The following ZNF407 variants were observed in gnomAD, a reference collection of about 807,000 sequenced individuals.
The protein encoded by ZNF407 is zinc finger protein 407.
A neutral mutation model predicts 131.2 loss-of-function variants in ZNF407; 17 were observed. That is an observed-to-expected ratio of 0.13 (90% confidence interval 0.09 to 0.19). The LOEUF (loss-of-function observed/expected upper bound fraction) is 0.19, where lower values mean the gene tolerates loss of function less well. ZNF407 is among the 10% of genes least tolerant of loss of function. ZNF407 has a pLI of 1.00. For missense variants in ZNF407, 2,681 were observed against 2,830.6 expected (o/e 0.95, Z 1.20); for synonymous variants, 1,156 against 1,062.0 (o/e 1.09, Z -1.72).
intron 4 of ZNF407, among the ~76,000 whole-genome samples, chr18:74,789,490 A>G (rs1462513952): frequency 1.3e-5 from 2 of 152,174 alleles, no homozygotes; most frequent in Non-Finnish European, 2.9e-5. Flanking sequence ...GAATATGGGC[A>G]TATCAGGATG....
At chr18:74,906,604 A>T (rs1186276352) in intron 7 of ZNF407, among the ~76,000 whole-genome samples, 3 of 152,274 alleles carry the variant, frequency 2.0e-5, no homozygotes, top group Admixed American at 1.3e-4. Flanking sequence ...AAATCCTTCA[A>T]TAAAAATATC....
intron 4 of ZNF407, among the ~76,000 whole-genome samples, chr18:74,837,983 C>G (rs935985965): frequency 1.3e-5 from 2 of 152,210 alleles, no homozygotes; most frequent in Non-Finnish European, 2.9e-5. Flanking sequence ...ATACACAAAA[C>G]TAGTCCAGGT....
chr18:74,801,596 C>T (rs1331509923), intron 4 of ZNF407, among the ~76,000 whole-genome samples: 2 of 152,096 alleles, frequency 1.3e-5, no homozygotes, highest in African/African-American at 2.4e-5. Context: ...CTACTTATCC[C>T]ACCTGTAGTT....
At chr18:74,667,089 T>C (rs1202066460) in intron 3 of ZNF407, among the ~76,000 whole-genome samples, 4 of 152,228 alleles carry the variant, frequency 2.6e-5, no homozygotes, top group African/African-American at 9.6e-5. Flanking sequence ...GATGATCTGT[T>C]GGTGCCTCAC....
At chr18:74,938,824 A>G (rs920986114) in intron 8 of ZNF407, among the ~76,000 whole-genome samples, 2 of 152,234 alleles carry the variant, frequency 1.3e-5, no homozygotes, top group Non-Finnish European at 1.5e-5. Flanking sequence ...GCCTGAAATT[A>G]TGGTCTGAAT....
At chr18:74,747,988 T>C (rs558415429) in intron 3 of ZNF407, among the ~76,000 whole-genome samples, 2 of 152,266 alleles carry the variant, frequency 1.3e-5, no homozygotes, top group Admixed American at 6.5e-5. Context: ...CAGTTCTACA[T>C]AGGAAATAGT....
intron 8 of ZNF407, among the ~76,000 whole-genome samples, chr18:75,024,661 C>T (rs1275260462): frequency 6.6e-6 from 1 of 152,146 alleles, no homozygotes; most frequent in African/African-American, 2.4e-5. Context: ...ATCTCATAGG[C>T]ATGCACTGTG....
In ZNF407 at chr18:74,825,863, G is replaced by A. The variant is rs547189501; in HGVS notation, c.4877+44361G>A. ...TTTAAAACAGTCAGAAAATGTTTAG[G>A]GTATGTGGCGTATTGTCACAGGAAC... On this transcript the variant is annotated intron_variant, in intron 4 of 8. Coordinates refer to ENST00000299687, the MANE Select transcript of ZNF407 (RefSeq NM_017757.3). 1.3e-3 allele frequency among the ~76,000 whole-genome samples: 197 copies of A among 152,244 alleles called. 1 individual carries two copies. The South Asian group carries it at 0.016, about 12-fold the overall frequency.
At chr18:74,823,503 A>G (rs1970369215) in intron 4 of ZNF407, among the ~76,000 whole-genome samples, 1 of 152,034 alleles carries the variant, frequency 6.6e-6, no homozygotes, top group African/African-American at 2.4e-5. Flanking sequence ...TTCAAAATAA[A>G]GGGATGGAGG....
intron 3 of ZNF407, among the ~76,000 whole-genome samples, chr18:74,780,065 T>C (rs1169588642): frequency 6.6e-6 from 1 of 152,138 alleles, no homozygotes; most frequent in Admixed American, 6.5e-5. Flanking sequence ...AGTTTTTTTA[T>C]GTGATAATTT....
At chr18:74,997,522 T>C (rs967560584) in intron 8 of ZNF407, among the ~76,000 whole-genome samples, 7 of 152,202 alleles carry the variant, frequency 4.6e-5, no homozygotes, top group African/African-American at 1.2e-4. Flanking sequence ...AAAGACTAAA[T>C]GTGCATGTTT....
intron 1 of ZNF407, among the ~76,000 whole-genome samples, chr18:74,612,608 A>T (rs986241603): frequency 1.3e-5 from 2 of 152,202 alleles, no homozygotes; most frequent in Non-Finnish European, 2.9e-5. Context: ...ACTGGATTCG[A>T]TGATAATTAT....
intron 8 of ZNF407, among the ~76,000 whole-genome samples, chr18:75,056,944 A>G (rs997624553): frequency 6.6e-6 from 1 of 152,236 alleles, no homozygotes; most frequent in African/African-American, 2.4e-5. Flanking sequence ...GACATTAAGT[A>G]TGATTTCTTA....
At position 74,993,294 on chromosome 18, in the gene ZNF407, G is replaced by A. The variant is rs547124426; in HGVS notation, c.5429-69856G>A. Among the ~76,000 whole-genome samples, 321 of 152,272 alleles carry A rather than the reference G, an allele frequency of 2.1e-3. 1 individual carries two copies. Among genetic ancestry groups the A allele is most frequent in the Non-Finnish European group, 3.6e-3 (246 of 68,012 alleles). ...CAGCAGATGAATGGACAATTCATCC[G>A]TAACATGGAGTATTAGCAATAAAAA... On this transcript the variant is annotated intron_variant, in intron 8 of 8. Transcript: ENST00000299687.
At chr18:74,801,419 G>A (rs1301829470) in intron 4 of ZNF407, among the ~76,000 whole-genome samples, 1 of 152,128 alleles carries the variant, frequency 6.6e-6, no homozygotes, top group Non-Finnish European at 1.5e-5. Context: ...ACAAACGTGG[G>A]CCATGAAAAT....
At chr18:74,732,095 G>T (rs1403661280) in intron 3 of ZNF407, among the ~76,000 whole-genome samples, 4 of 152,200 alleles carry the variant, frequency 2.6e-5, no homozygotes, top group South Asian at 4.1e-4. Flanking sequence ...TTTCACTTGG[G>T]ACTTATATTT....
At chr18:74,816,320 A>T (rs916164636) in intron 4 of ZNF407, among the ~76,000 whole-genome samples, 6 of 152,186 alleles carry the variant, frequency 3.9e-5, no homozygotes, top group African/African-American at 1.4e-4. Context: ...TTAAGATTTC[A>T]TTAATTAACA....
chr18:74,814,732 T>C (rs888508772), intron 4 of ZNF407, among the ~76,000 whole-genome samples: 4 of 152,170 alleles, frequency 2.6e-5, no homozygotes, highest in African/African-American at 9.6e-5. Context: ...AAATGTATAA[T>C]CTTACTGCGT....
chr18:74,945,101 T>G (rs1972140569), intron 8 of ZNF407, among the ~76,000 whole-genome samples: 1 of 152,190 alleles, frequency 6.6e-6, no homozygotes, highest in Admixed American at 6.5e-5. Flanking sequence ...ATAAGACAGT[T>G]TATGAATTAC....
Sources: gnomAD v4.1 joint callset for allele counts (sites outside exome capture counted in the v4.1 genomes callset) on GRCh38, gnomAD v4.1.1 for gene constraint, MANE v1.5 for transcripts, NCBI Gene and HGNC (gene_info 2026-07-23, HGNC 2026-07-21) for gene names.